DNAJC10: variants seen among roughly 807,000 people sequenced by gnomAD.
DNAJC10 encodes DnaJ heat shock protein family (Hsp40) member C10, also known as endoplasmic reticulum disulfide reductase DNAJC10.
In DNAJC10, 101 loss-of-function variants were observed where a neutral mutation model predicts 115.0. The observed-to-expected ratio is 0.88, with a 90% CI of 0.75 to 1.04. DNAJC10 has a LOEUF of 1.04. DNAJC10 is among the 50% of genes least tolerant of loss of function. The probability of loss-of-function intolerance (pLI) is 0.00; values close to 1 mark genes in which losing one functional copy is unlikely to be tolerated. For synonymous variants in DNAJC10, 307 were observed against 301.5 expected, an observed-to-expected ratio of 1.02 and a Z score of -0.19; for missense variants, 981 against 928.8, an observed-to-expected ratio of 1.06 and a Z score of -0.73.
At position 182,793,479 on chromosome 2, in the gene DNAJC10, A is replaced by G. The variant is rs1574970689; in HGVS notation, c.*16347A>G. 6.6e-6 allele frequency: 1 copy of G among 152,178 alleles called. No individual in the cohort carries two copies. Among genetic ancestry groups the G allele is most frequent in the Admixed American group, 6.6e-5 (1 of 15,262 alleles). The allele number at this position is 152,178 out of a possible 1,614,324, so 9.4% of individuals were successfully genotyped here. A position where few individuals can be genotyped will look rare whatever the true frequency, so the allele number is the denominator to read the frequency against. ...TCCATCAGGCAGCACTGAGAACCAG[A>G]AGACATTCAGAGAGCTCTGCTTTGC... On this transcript the variant is annotated 3_prime_UTR_variant, in exon 24 of 24. Transcript: ENST00000264065.
At chr2:182,736,893 G>A (rs1693599054) in intron 11 of DNAJC10, among the ~76,000 whole-genome samples, 1 of 152,124 alleles carries the variant, frequency 6.6e-6, no homozygotes. Flanking sequence ...GGGATTACAG[G>A]CGCCTGCCAT....
chr2:182,744,467 C>A (rs1195495020), intron 14 of DNAJC10, among the ~76,000 whole-genome samples: 1 of 152,002 alleles, frequency 6.6e-6, no homozygotes, highest in Non-Finnish European at 1.5e-5. Flanking sequence ...TTAATGACAA[C>A]AAGATCAAAT....
chr2:182,758,722 C>T, intron 19 of DNAJC10, 115 bp from the exon 20 acceptor site: 1 of 724,712 alleles, frequency 1.4e-6, no homozygotes, highest in South Asian at 1.8e-5. Context: ...AAGAGAGATA[C>T]CAGATGAAAT....
chr2:182,769,046 A>G (rs188127919), intron 22 of DNAJC10, among the ~76,000 whole-genome samples: 53 of 152,210 alleles, frequency 3.5e-4, no homozygotes, highest in African/African-American at 1.1e-3. Context: ...TCATTGTTCA[A>G]TTCCCACCTG....
intron 23 of DNAJC10, among the ~76,000 whole-genome samples, 165 bp downstream of exon 23, chr2:182,775,585 C>G (rs995052427): frequency 1.3e-5 from 2 of 152,090 alleles, no homozygotes; most frequent in South Asian, 4.2e-4. Context: ...AAAATGTAGC[C>G]TAGACACTGA....
intron 4 of DNAJC10, 33 bp from the exon 5 acceptor site, chr2:182,721,992 G>T: frequency 4.7e-6 from 6 of 1,273,032 alleles, no homozygotes; most frequent in East Asian, 2.6e-5. Context: ...GTGAAGTTTT[G>T]ATTTTATAAT....
At chr2:182,776,945 CTT>C (rs1661568500) in intron 23 of DNAJC10, among the ~76,000 whole-genome samples, 174 bp from the exon 24 acceptor site, 1 of 152,030 alleles carries the variant, frequency 6.6e-6, no homozygotes, top group African/African-American at 2.4e-5. Flanking sequence ...CTAGGATATT[CTT>C]TTCTTTTTTA....
Position 182,759,241 on chromosome 2 carries a change from T to G in DNAJC10, c.2079T>G (p.Ile693Met). The G allele has an allele frequency of 6.2e-7, 1 of 1,612,164 alleles. No homozygotes were observed. Among genetic ancestry groups the G allele is most frequent in the Non-Finnish European group, 8.5e-7 (1 of 1,179,560 alleles). The change falls in exon 21 of 24, where the codon ATT becomes ATG. Residue 693 changes from isoleucine (I) to methionine (M), a missense_variant. Transcript: ENST00000264065. The part of the protein sequence containing the change: ...KVLQGKNHWV[I>M]DFYAPWCGPC... Reference sequence around the variant, plus strand: ...TACAAGGGAAAAATCATTGGGTGATTGATTTCTATGCTCCTTGGTGTGGAC... The same window carrying G: ...TACAAGGGAAAAATCATTGGGTGATGGATTTCTATGCTCCTTGGTGTGGAC...
chr2:182,759,344 T>C (rs375459938), intron 21 of DNAJC10, 37 bp downstream of exon 21: 235 of 1,568,564 alleles, frequency 1.5e-4, no homozygotes, highest in Non-Finnish European at 2.0e-4. Context: ...TGTAGCCACA[T>C]TCATGTTTTA....
intron 22 of DNAJC10, among the ~76,000 whole-genome samples, chr2:182,764,159 C>T (rs1270295444): frequency 6.6e-6 from 1 of 152,138 alleles, no homozygotes; most frequent in Non-Finnish European, 1.5e-5. Flanking sequence ...TATTGCCAAT[C>T]ACAATGTAAA....
intron 23 of DNAJC10, among the ~76,000 whole-genome samples, 182 bp from the exon 24 acceptor site, chr2:182,776,939 G>A (rs1375689116): frequency 6.6e-6 from 1 of 152,044 alleles, no homozygotes; most frequent in Non-Finnish European, 1.5e-5. Context: ...TAAGAACTAG[G>A]ATATTCTTTT....
rs1407692602 is a variant in DNAJC10, at chr2:182,786,521, C to T, written c.*9389C>T. The T allele has an allele frequency of 1.3e-5, 2 of 152,108 alleles. No individual in the cohort carries two copies. The highest frequency in any genetic ancestry group is 2.4e-5 in the African/African-American group (1 of 41,422). 9.4% of individuals were successfully genotyped at this position (152,108 alleles called of 1,614,324 possible). ...TCTCACCATTTTCTTCAAGGAAGAT[C>T]AACTGAACCTGCCTGAAGGCACAGG... On this transcript the variant is annotated 3_prime_UTR_variant, in exon 24 of 24. Transcript: ENST00000264065.
rs1695031844 is a variant in DNAJC10, at chr2:182,790,609, A to G, written c.*13477A>G. 6.6e-6 allele frequency: 1 copy of G among 151,890 alleles called. No homozygotes were observed. The highest frequency in any genetic ancestry group is 2.4e-5 in the African/African-American group (1 of 41,334). 9.4% of individuals were successfully genotyped at this position (151,890 alleles called of 1,614,324 possible). A position where few individuals can be genotyped will look rare whatever the true frequency, so the allele number is the denominator to read the frequency against. ...AAGACCAGCCTGGCCAACATGGTGA[A>G]ACGCCGTCTCTACTAAAAATACAAA... is the stretch of plus-strand genomic sequence containing the variant. On this transcript the variant is annotated 3_prime_UTR_variant, in exon 24 of 24. Coordinates refer to ENST00000264065, the MANE Select transcript of DNAJC10 (RefSeq NM_018981.4).
chr2:182,791,002 T>A lies in DNAJC10; in HGVS notation c.*13870T>A, dbSNP rs557310259. The A allele has an allele frequency of 2.0e-5, 3 of 152,164 alleles. No individual in the cohort carries two copies. Among genetic ancestry groups the A allele is most frequent in the Non-Finnish European group, 4.4e-5 (3 of 68,032 alleles). The allele number at this position is 152,164 out of a possible 1,614,324, so 9.4% of individuals were successfully genotyped here. ...TCTCTCTTTGTTCACTATTTTGATA[T>A]TTAAATGTTATGACTTATTTTCAAG... On this transcript the variant is annotated 3_prime_UTR_variant, in exon 24 of 24. Coordinates refer to ENST00000264065, the MANE Select transcript of DNAJC10 (RefSeq NM_018981.4).
intron 16 of DNAJC10, among the ~76,000 whole-genome samples, chr2:182,754,105 A>G (rs1223678792): frequency 6.6e-6 from 1 of 152,210 alleles, no homozygotes; most frequent in African/African-American, 2.4e-5. Flanking sequence ...TTAGCAACTA[A>G]GTATAATTGT....
At position 182,779,146 on chromosome 2, in the gene DNAJC10, C is replaced by G. The variant is rs1468936526; in HGVS notation, c.*2014C>G. On this transcript the variant is annotated 3_prime_UTR_variant, in exon 24 of 24. Transcript: ENST00000264065. ...AAGCTGTGTGCCTTTGGAATCAGCT[C>G]TAAGCCAGGGCCCCCTGGGAGTCAT... 2 of 152,272 alleles carry G rather than the reference C, an allele frequency of 1.3e-5. No individual in the cohort carries two copies. Among genetic ancestry groups the G allele is most frequent in the Admixed American group, 6.5e-5 (1 of 15,288 alleles). 9.4% of individuals were successfully genotyped at this position (152,272 alleles called of 1,614,324 possible). A position where few individuals can be genotyped will look rare whatever the true frequency, so the allele number is the denominator to read the frequency against.
Position 182,743,686 on chromosome 2 carries a change from G to C in DNAJC10, c.1280G>C (p.Gly427Ala). The C allele has an allele frequency of 6.2e-7, 1 of 1,608,354 alleles. No homozygotes were observed. Among genetic ancestry groups the C allele is most frequent in the Non-Finnish European group, 8.5e-7 (1 of 1,176,160 alleles). Residue 427 changes from glycine to alanine, a missense_variant, in exon 14 of 24, where the codon GGA becomes GCA. Gly to Ala is a moderately conservative substitution (Grantham distance 60). Coordinates refer to ENST00000264065, the MANE Select transcript of DNAJC10 (RefSeq NM_018981.4). ...TCTCTAGCAGTATTTAAAGGACAAG[G>C]AACCAAAGAATATGAAATTCATCAT... The part of the protein sequence containing the change: ...QPSLAVFKGQ[G>A]TKEYEIHHGK...
At position 182,793,820 on chromosome 2, in the gene DNAJC10, TCACACACACACACACACACA is replaced by T. The variant is rs4018698; in HGVS notation, c.*16714_*16733del. ...TAAAATTTTCCAGAGAGGAAACACA[TCACACACACACACACACACA>T]CACACACACACACACACACACACAC... On this transcript the variant is annotated 3_prime_UTR_variant, in exon 24 of 24. Coordinates refer to ENST00000264065, the MANE Select transcript of DNAJC10 (RefSeq NM_018981.4). 183 of 135,720 alleles carry T rather than the reference TCACACACACACACACACACA, an allele frequency of 1.3e-3. 2 individuals carry two copies. Among genetic ancestry groups the T allele is most frequent in the African/African-American group, 4.8e-3 (166 of 34,526 alleles). The allele number at this position is 135,720 out of a possible 1,614,324, so 8.4% of individuals were successfully genotyped here.
chr2:182,776,071 C>T (rs1297378510), intron 23 of DNAJC10, among the ~76,000 whole-genome samples: 4 of 151,118 alleles, frequency 2.6e-5, no homozygotes, highest in Non-Finnish European at 5.9e-5. Flanking sequence ...CTGAATATAC[C>T]AAAAACCACT....
Sources: gnomAD v4.1 joint callset for allele counts (sites outside exome capture counted in the v4.1 genomes callset) on GRCh38, gnomAD v4.1.1 for gene constraint, MANE v1.5 for transcripts, NCBI Gene and HGNC (gene_info 2026-07-23, HGNC 2026-07-21) for gene names.